CSMD3: variants seen among roughly 807,000 people sequenced by gnomAD.
CSMD3 encodes the protein CUB and Sushi multiple domains 3, also known as CUB and sushi domain-containing protein 3.
Under a neutral mutation model 435.2 loss-of-function variants are expected in CSMD3, and 177 were observed. The observed-to-expected ratio is 0.41, with a 90% CI of 0.36 to 0.46. The LOEUF (loss-of-function observed/expected upper bound fraction) is 0.46. Ranked by LOEUF, CSMD3 falls within the 20% of genes least tolerant of loss-of-function variation. The pLI is 0.34. For missense variants in CSMD3, 4,265 were observed against 4,504.6 expected, an observed-to-expected ratio of 0.95 and a Z score of 1.52; for synonymous variants, 1,656 against 1,520.5, an observed-to-expected ratio of 1.09 and a Z score of -2.07.
chr8:112,343,991 T>G (rs551052507), intron 41 of CSMD3, among the ~76,000 whole-genome samples: 1 of 152,314 alleles, frequency 6.6e-6, no homozygotes, highest in African/African-American at 2.4e-5. Flanking sequence ...CAAGCAATTC[T>G]GCTGCCTCAG....
chr8:113,209,357 AAGGTATG>A (rs1294536981), intron 3 of CSMD3, among the ~76,000 whole-genome samples: 1 of 152,128 alleles, frequency 6.6e-6, no homozygotes, highest in African/African-American at 2.4e-5. Flanking sequence ...ACTTATTTTA[AAGGTATG>A]AGTCATTCCA....
At chr8:113,301,710 C>T (rs2093769640) in intron 2 of CSMD3, among the ~76,000 whole-genome samples, 1 of 151,828 alleles carries the variant, frequency 6.6e-6, no homozygotes, top group Non-Finnish European at 1.5e-5. Flanking sequence ...AACTGGGTGA[C>T]TGTAAACTTA....
chr8:112,594,980 A>G (rs1446639691), intron 22 of CSMD3, among the ~76,000 whole-genome samples: 1 of 152,172 alleles, frequency 6.6e-6, no homozygotes, highest in African/African-American at 2.4e-5. Flanking sequence ...AAAGGAACGC[A>G]GTTCCTCACC....
intron 3 of CSMD3, among the ~76,000 whole-genome samples, chr8:113,248,610 T>C (rs1212353165): frequency 1.3e-5 from 2 of 150,086 alleles, no homozygotes; most frequent in African/African-American, 4.9e-5. Context: ...TATTTATTTA[T>C]TGACAAATGC....
chr8:112,505,660 T>G (rs1014110081), intron 29 of CSMD3, among the ~76,000 whole-genome samples: 2 of 152,086 alleles, frequency 1.3e-5, no homozygotes, highest in Non-Finnish European at 2.9e-5. Flanking sequence ...CTAAGGAAAT[T>G]TTAGAGTCTT....
chr8:113,229,221 A>C (rs1167128603), intron 3 of CSMD3, among the ~76,000 whole-genome samples: 3 of 151,650 alleles, frequency 2.0e-5, no homozygotes, highest in African/African-American at 7.2e-5. Context: ...ACAGTGTAAA[A>C]TTATGTGGTG....
intron 22 of CSMD3, among the ~76,000 whole-genome samples, chr8:112,591,104 GC>G (rs1300612103): frequency 6.6e-6 from 1 of 152,008 alleles, no homozygotes; most frequent in Non-Finnish European, 1.5e-5. Flanking sequence ...GCTCTTTTTA[GC>G]ATATAAATAT....
intron 3 of CSMD3, among the ~76,000 whole-genome samples, chr8:113,252,352 A>C (rs1401516515): frequency 6.6e-6 from 1 of 152,102 alleles, no homozygotes; most frequent in Non-Finnish European, 1.5e-5. Context: ...GAGGCTTAAA[A>C]ATTGTCCAAT....
chr8:112,546,726 C>A (rs1441135263), intron 27 of CSMD3, among the ~76,000 whole-genome samples: 1 of 152,124 alleles, frequency 6.6e-6, no homozygotes, highest in Non-Finnish European at 1.5e-5. Flanking sequence ...GAAGTGAGGA[C>A]AGCACATAGG....
intron 32 of CSMD3, among the ~76,000 whole-genome samples, chr8:112,457,330 G>A (rs1816939832): frequency 6.6e-6 from 1 of 152,032 alleles, no homozygotes; most frequent in Non-Finnish European, 1.5e-5. Flanking sequence ...AGAATTCACA[G>A]GCGAGTGAGA....
chr8:112,451,726 C>T (rs759110778), intron 32 of CSMD3, among the ~76,000 whole-genome samples: 11 of 151,960 alleles, frequency 7.2e-5, no homozygotes, highest in Non-Finnish European at 1.3e-4. Flanking sequence ...TTAGTAGAGA[C>T]GGGTTTTCTC....
chr8:112,823,518 G>A (rs746799078), intron 12 of CSMD3, among the ~76,000 whole-genome samples: 1 of 152,040 alleles, frequency 6.6e-6, no homozygotes, highest in Non-Finnish European at 1.5e-5. Context: ...CTGGTATGCT[G>A]TTTCGTTATT....
chr8:112,976,243 C>A, intron 6 of CSMD3, 95 bp from the exon 7 acceptor site: 2 of 1,386,960 alleles, frequency 1.4e-6, no homozygotes, highest in Non-Finnish European at 1.0e-6. Flanking sequence ...TCTTCTATTA[C>A]CTTAAGGATA....
At chr8:113,406,970 T>C (rs2094535617) in intron 1 of CSMD3, among the ~76,000 whole-genome samples, 1 of 152,078 alleles carries the variant, frequency 6.6e-6, no homozygotes, top group Admixed American at 6.6e-5. Context: ...TCTTGGTTGG[T>C]AGTGGCATTA....
At chr8:112,511,668 A>G (rs1213426650) in intron 28 of CSMD3, among the ~76,000 whole-genome samples, 3 of 151,772 alleles carry the variant, frequency 2.0e-5, no homozygotes, top group Non-Finnish European at 4.4e-5. Flanking sequence ...GGGATTACAG[A>G]CGTGAGCCAC....
intron 16 of CSMD3, among the ~76,000 whole-genome samples, chr8:112,666,846 G>A (rs533858878): frequency 6.6e-6 from 1 of 152,074 alleles, no homozygotes; most frequent in Non-Finnish European, 1.5e-5. Flanking sequence ...ATTTTCCAGA[G>A]TCACTTCATT....
chr8:113,222,267 C>T (rs560210439), intron 3 of CSMD3, among the ~76,000 whole-genome samples: 1 of 150,940 alleles, frequency 6.6e-6, no homozygotes, highest in South Asian at 2.1e-4. Flanking sequence ...CATTGGAAAT[C>T]CTAAAAATTA....
chr8:113,383,570 A>G (rs907594081), intron 1 of CSMD3, among the ~76,000 whole-genome samples: 2 of 152,168 alleles, frequency 1.3e-5, no homozygotes, highest in Non-Finnish European at 2.9e-5. Flanking sequence ...GAGAATATAA[A>G]GTTTGGAGAG....
chr8:112,504,092 A>G, intron 29 of CSMD3, 115 bp from the exon 30 acceptor site: 1 of 632,232 alleles, frequency 1.6e-6, no homozygotes, highest in Non-Finnish European at 2.7e-6. Context: ...AAAAATAATA[A>G]AAGACGCTGT....
Sources: allele counts gnomAD v4.1 joint callset (sites outside exome capture counted in the v4.1 genomes callset), GRCh38; gene constraint gnomAD v4.1.1; transcripts MANE v1.5; gene names NCBI Gene and HGNC (gene_info 2026-07-23, HGNC 2026-07-21).